Variants in INPP5F observed in about 807,000 individuals in gnomAD.
INPP5F encodes the protein inositol polyphosphate-5-phosphatase F, also known as phosphatidylinositide 4-phosphatase SAC2.
A neutral mutation model predicts 137.2 loss-of-function variants in INPP5F; 97 were observed. The ratio of observed to expected loss-of-function variants is 0.71; its 90% CI spans 0.60 to 0.84. The LOEUF (loss-of-function observed/expected upper bound fraction) is 0.84. INPP5F is among the 40% of genes least tolerant of loss of function. The probability of loss-of-function intolerance (pLI) is 0.00; values close to 1 mark genes in which losing one functional copy is unlikely to be tolerated. For missense variants in INPP5F, 1,271 were observed against 1,371.9 expected, an observed-to-expected ratio of 0.93 and a Z score of 1.16; for synonymous variants, 504 against 476.9, an observed-to-expected ratio of 1.06 and a Z score of -0.74.
Position 119,791,572 on chromosome 10 carries a change from C to T in INPP5F, c.371C>T (p.Pro124Leu). Residue 124 changes from proline to leucine, a missense_variant, in exon 4 of 20, where the codon CCT (proline) becomes CTT (leucine). Coordinates refer to ENST00000650623, the MANE Select transcript of INPP5F (RefSeq NM_014937.4). ...INKPEKIIPS[P>L]DDSKFLLKTF... ...AAACCAGAGAAGATCATACCATCTC[C>T]TGATGACTCAAAGTTTCTACTGAAG... 1 of 1,601,870 alleles carries T rather than the reference C, an allele frequency of 6.2e-7. No homozygotes were observed. Among genetic ancestry groups the T allele is most frequent in the South Asian group, 1.1e-5 (1 of 90,802 alleles).
chr10:119,730,925 C>T (rs1452745076), intron 1 of INPP5F, among the ~76,000 whole-genome samples: 1 of 151,740 alleles, frequency 6.6e-6, no homozygotes, highest in Admixed American at 6.6e-5. Context: ...GTAGCTGGGA[C>T]TACAGGCACG....
At chr10:119,808,265 T>C (rs2134249699) in intron 13 of INPP5F, among the ~76,000 whole-genome samples, 1 of 152,336 alleles carries the variant, frequency 6.6e-6, no homozygotes, top group South Asian at 2.1e-4. Context: ...TGTGTGGGCC[T>C]GAGGAGGAGT....
chr10:119,828,304 T>C lies in INPP5F; in HGVS notation c.*524T>C, dbSNP rs1342729301. On this transcript the variant is annotated 3_prime_UTR_variant, in exon 20 of 20. Transcript: ENST00000650623. The stretch of plus-strand genomic sequence containing the variant: ...CTGTTCCCTGAGGAGTTGAGGGTTA[T>C]TGACACTAGAGAAATGAATTCTCAT... The C allele has an allele frequency of 6.5e-6, 1 of 153,162 alleles. No homozygotes were observed. The highest frequency in any genetic ancestry group is 1.5e-5 in the Non-Finnish European group (1 of 68,750). The allele number at this position is 153,162 out of a possible 1,614,324, so 9.5% of individuals were successfully genotyped here. A position where few individuals can be genotyped will look rare whatever the true frequency, so the allele number is the denominator to read the frequency against.
At chr10:119,763,881 C>T (rs1272532419) in intron 2 of INPP5F, among the ~76,000 whole-genome samples, 1 of 152,160 alleles carries the variant, frequency 6.6e-6, no homozygotes, top group African/African-American at 2.4e-5. Context: ...CTCTTAAGTC[C>T]TCCCTTCCAC....
chr10:119,821,208 A>T (rs1169231276), intron 16 of INPP5F, among the ~76,000 whole-genome samples: 1 of 152,158 alleles, frequency 6.6e-6, no homozygotes, highest in Non-Finnish European at 1.5e-5. Context: ...TGTATTCCAT[A>T]CGTTTTTATC....
chr10:119,789,670 A>G (rs1349278816), intron 3 of INPP5F, among the ~76,000 whole-genome samples: 2 of 151,872 alleles, frequency 1.3e-5, no homozygotes, highest in East Asian at 1.9e-4. Flanking sequence ...AAATGTTGGG[A>G]TATGTGAGGC....
chr10:119,816,804 C>T (rs1308161616), intron 15 of INPP5F, among the ~76,000 whole-genome samples: 1 of 152,198 alleles, frequency 6.6e-6, no homozygotes, highest in Non-Finnish European at 1.5e-5. Context: ...GAACCATCCA[C>T]TCCTGGAATA....
At chr10:119,769,717 C>T (rs959996628) in intron 2 of INPP5F, among the ~76,000 whole-genome samples, 6 of 152,158 alleles carry the variant, frequency 3.9e-5, no homozygotes, top group South Asian at 2.1e-4. Context: ...CTCAAGCTTT[C>T]GGACTCAGAT....
intron 7 of INPP5F, 21 bp downstream of exon 7, chr10:119,796,934 G>C (rs778416088): frequency 6.3e-7 from 1 of 1,595,636 alleles, no homozygotes; most frequent in Non-Finnish European, 8.6e-7. Context: ...GGCTGTAATA[G>C]CATTCAAATC....
chr10:119,786,671 C>A (rs892771750), intron 3 of INPP5F, among the ~76,000 whole-genome samples: 5 of 151,620 alleles, frequency 3.3e-5, no homozygotes, highest in African/African-American at 1.2e-4. Context: ...GCCACCACCC[C>A]CTGCTAATTT....
chr10:119,727,923 C>T (rs1847938842), intron 1 of INPP5F, among the ~76,000 whole-genome samples: 1 of 152,176 alleles, frequency 6.6e-6, no homozygotes, highest in South Asian at 2.1e-4. Context: ...TCAAAAGAGT[C>T]AACTCCTTGG....
At chr10:119,789,225 CAAAA>C in intron 3 of INPP5F, among the ~76,000 whole-genome samples, 1 of 107,760 alleles carries the variant, frequency 9.3e-6, no homozygotes. Flanking sequence ...AACTCTGTCT[CAAAA>C]AAAAAAAAAA....
chr10:119,726,326 A>G lies in INPP5F; in HGVS notation c.64A>G (p.Ser22Gly). Reference sequence around the variant, plus strand: ...GCAGGGCGAGCGCGCGCTGTGGTGCAGCCGCCGCGACGGCGGCCTCCAGCT... The same window carrying G: ...GCAGGGCGAGCGCGCGCTGTGGTGCGGCCGCCGCGACGGCGGCCTCCAGCT... Reference protein sequence around the residue: ...LQQGERALWCSRRDGGLQLRP... With the variant: ...LQQGERALWCGRRDGGLQLRP... The change falls in exon 1 of 20, where the codon AGC (serine) becomes GGC (glycine). Residue 22 changes from serine (S) to glycine (G), a missense_variant. Physicochemically the swap from Ser to Gly is moderately conservative, Grantham distance 56. Transcript: ENST00000650623. 1 of 1,470,104 alleles carries G rather than the reference A, an allele frequency of 6.8e-7. No homozygotes were observed. The highest frequency in any genetic ancestry group is 1.3e-5 in the South Asian group (1 of 76,870). The allele number at this position is 1,470,104 out of a possible 1,614,324, so 91.1% of individuals were successfully genotyped here.
At chr10:119,778,234 C>T (rs1849588367) in intron 2 of INPP5F, among the ~76,000 whole-genome samples, 1 of 152,102 alleles carries the variant, frequency 6.6e-6, no homozygotes, top group African/African-American at 2.4e-5. Context: ...TCTTGAACTC[C>T]TGGCCTCATG....
chr10:119,792,571 T>TTTG (rs1850184825), intron 6 of INPP5F, among the ~76,000 whole-genome samples: 1 of 150,854 alleles, frequency 6.6e-6, no homozygotes, highest in African/African-American at 2.4e-5. Context: ...GTACCAGTTT[T>TTTG]TTTTTTTTTT....
chr10:119,732,578 C>T, intron 1 of INPP5F, among the ~76,000 whole-genome samples: 1 of 141,186 alleles, frequency 7.1e-6, no homozygotes, highest in Non-Finnish European at 1.5e-5. Context: ...CGGCTCATTG[C>T]AACCTCTGCC....
intron 3 of INPP5F, among the ~76,000 whole-genome samples, chr10:119,782,877 G>C (rs1564826640): frequency 6.6e-6 from 1 of 152,148 alleles, no homozygotes; most frequent in Non-Finnish European, 1.5e-5. Context: ...TTTCCATGTA[G>C]AGTTCTTGGG....
chr10:119,760,453 AAAG>A (rs1213935492), intron 2 of INPP5F, among the ~76,000 whole-genome samples: 10 of 152,222 alleles, frequency 6.6e-5, no homozygotes, highest in African/African-American at 2.4e-4. Flanking sequence ...CCTGTCTCTT[AAAG>A]AATAAAAATA....
At chr10:119,776,601 G>A (rs578215192) in intron 2 of INPP5F, among the ~76,000 whole-genome samples, 1 of 151,714 alleles carries the variant, frequency 6.6e-6, no homozygotes, top group Non-Finnish European at 1.5e-5. Flanking sequence ...TTGTAATGTC[G>A]ATATGAAATG....
Sources: allele counts gnomAD v4.1 joint callset (sites outside exome capture counted in the v4.1 genomes callset), GRCh38; gene constraint gnomAD v4.1.1; transcripts MANE v1.5; gene names NCBI Gene and HGNC (gene_info 2026-07-23, HGNC 2026-07-21).